RIMS2: variants seen among roughly 807,000 people sequenced by gnomAD.
The protein encoded by RIMS2 is regulating synaptic membrane exocytosis 2.
RIMS2 carries 59 observed loss-of-function variants against 174.4 expected under a neutral mutation model. That is an observed-to-expected ratio of 0.34 (90% CI 0.27 to 0.42). RIMS2 has a LOEUF of 0.42. Among genes scored for constraint, RIMS2 ranks in the 10% least tolerant of loss-of-function variants. RIMS2 has a pLI of 1.00. For synonymous variants in RIMS2, 606 were observed against 572.5 expected, an observed-to-expected ratio of 1.06 and a Z score of -0.84; for missense variants, 1,620 against 1,666.3, an observed-to-expected ratio of 0.97 and a Z score of 0.48.
At chr8:103,954,437 G>T (rs887037971) in intron 14 of RIMS2, among the ~76,000 whole-genome samples, 3 of 152,186 alleles carry the variant, frequency 2.0e-5, no homozygotes, top group African/African-American at 7.2e-5. Context: ...TAGAATTCAG[G>T]ATTAAGAAAC....
chr8:103,642,202 A>G (rs1156333554), intron 1 of RIMS2, among the ~76,000 whole-genome samples: 1 of 152,054 alleles, frequency 6.6e-6, no homozygotes, highest in Admixed American at 6.6e-5. Flanking sequence ...CTCTTAGCAT[A>G]TCAATTGTAC....
chr8:103,780,691 T>G (rs1362244142), intron 3 of RIMS2, among the ~76,000 whole-genome samples: 1 of 152,168 alleles, frequency 6.6e-6, no homozygotes, highest in Non-Finnish European at 1.5e-5. Context: ...CTGCTATTTT[T>G]TTATGTGAGA....
chr8:104,237,067 A>G (rs1332806327), intron 19 of RIMS2, among the ~76,000 whole-genome samples: 4 of 152,144 alleles, frequency 2.6e-5, no homozygotes, highest in Non-Finnish European at 5.9e-5. Context: ...TGTGTTTTAA[A>G]TGGGAATCTG....
At chr8:103,592,988 T>C (rs972668373) in intron 1 of RIMS2, among the ~76,000 whole-genome samples, 1 of 151,412 alleles carries the variant, frequency 6.6e-6, no homozygotes, top group Non-Finnish European at 1.5e-5. Context: ...GTAGTTGCTT[T>C]TTTTCATGGG....
intron 19 of RIMS2, among the ~76,000 whole-genome samples, chr8:104,138,016 C>T (rs1221041812): frequency 2.6e-5 from 4 of 152,134 alleles, no homozygotes; most frequent in South Asian, 4.1e-4. Context: ...TAATTTTTAG[C>T]TCCTGCAAAT....
intron 15 of RIMS2, among the ~76,000 whole-genome samples, chr8:103,969,963 A>T (rs544405455): frequency 7.3e-4 from 111 of 152,126 alleles, no homozygotes; most frequent in South Asian, 1.7e-3. Flanking sequence ...TTTCCCAGAC[A>T]GGTCTTCAAC....
At chr8:104,101,190 A>G (rs2097891372) in intron 19 of RIMS2, among the ~76,000 whole-genome samples, 1 of 150,388 alleles carries the variant, frequency 6.6e-6, no homozygotes, top group Non-Finnish European at 1.5e-5. Context: ...GCAGTGGCAC[A>G]ATCTCGGCTC....
intron 16 of RIMS2, among the ~76,000 whole-genome samples, chr8:103,987,543 CTTTAGAGAAAT>C (rs1240868222): frequency 1.3e-5 from 2 of 152,084 alleles, no homozygotes; most frequent in Non-Finnish European, 2.9e-5. Flanking sequence ...AATGGAAAAA[CTTTAGAGAAAT>C]TTACATTAAT....
In RIMS2 at chr8:103,748,960, C is replaced by T. The variant is rs371119829; in HGVS notation, c.388-17267C>T. On this transcript the variant is annotated intron_variant, in intron 2 of 23. Coordinates refer to ENST00000504942, the Ensembl canonical transcript of RIMS2. Reference sequence around the variant, plus strand: ...GGATTACAGGCATGCACTACGAAGCCCAGCTAATTTTGTATTTTTAGTAGA... The same window carrying T: ...GGATTACAGGCATGCACTACGAAGCTCAGCTAATTTTGTATTTTTAGTAGA... Among the ~76,000 whole-genome samples, 18 of 151,830 alleles carry T rather than the reference C, an allele frequency of 1.2e-4. 1 individual carries two copies. The highest frequency in any genetic ancestry group is 4.1e-4 in the African/African-American group (17 of 41,274).
At chr8:103,613,426 T>A (rs796372427) in intron 1 of RIMS2, among the ~76,000 whole-genome samples, 1 of 152,210 alleles carries the variant, frequency 6.6e-6, no homozygotes, top group African/African-American at 2.4e-5. Context: ...AATGCTTCCA[T>A]GTGTGAGACT....
chr8:104,072,323 A>G (rs1034161904), intron 19 of RIMS2, among the ~76,000 whole-genome samples: 2 of 152,142 alleles, frequency 1.3e-5, no homozygotes, highest in African/African-American at 4.8e-5. Flanking sequence ...GCTTATATTT[A>G]CATTCTTTAC....
chr8:104,212,690 G>T (rs182369190), intron 19 of RIMS2, among the ~76,000 whole-genome samples: 6 of 152,276 alleles, frequency 3.9e-5, no homozygotes, highest in African/African-American at 1.4e-4. Context: ...CTGTTCCTCT[G>T]ATATTTGTGT....
chr8:104,157,113 A>T (rs1227242047), intron 19 of RIMS2, among the ~76,000 whole-genome samples: 1 of 152,156 alleles, frequency 6.6e-6, no homozygotes, highest in Non-Finnish European at 1.5e-5. Flanking sequence ...ATTATCCTTC[A>T]TTATTTAAAA....
rs549907170 is a variant in RIMS2 at position 104,003,191 on chromosome 8, A to G, written c.3045-10251A>G. On this transcript the variant is annotated intron_variant, in intron 17 of 23. Coordinates refer to ENST00000504942, the Ensembl canonical transcript of RIMS2. ...GGGCAGCTAGATTTTTATGTAAAGT[A>G]TCATGGAAGACACAACAACTCAGCT... 4.6e-5 allele frequency among the ~76,000 whole-genome samples: 7 copies of G among 152,310 alleles called. No individual in the cohort carries two copies. The South Asian group carries it at 1.4e-3, about 32-fold the overall frequency.
chr8:104,213,102 A>G (rs1468957192), intron 19 of RIMS2, among the ~76,000 whole-genome samples: 1 of 152,140 alleles, frequency 6.6e-6, no homozygotes. Flanking sequence ...ACCTGAGGTC[A>G]GGAGTTTGAG....
Position 103,918,512 on chromosome 8 carries a change from A to C in RIMS2, c.2083+25A>C, listed in dbSNP as rs1324393721. ...AGTAAGTTTTATTTATGCTGGAAGA[A>C]AACGTTATTTATAATTGCATTCATC... On this transcript the variant is annotated intron_variant, in intron 9 of 23. Coordinates refer to ENST00000504942, the Ensembl canonical transcript of RIMS2. The C allele has an allele frequency of 4.5e-6, 7 of 1,544,110 alleles. No individual in the cohort carries two copies. The Admixed American group carries it at 1.2e-4, about 26-fold the overall frequency.
At chr8:104,079,534 A>G (rs1249798930) in intron 19 of RIMS2, among the ~76,000 whole-genome samples, 1 of 147,694 alleles carries the variant, frequency 6.8e-6, no homozygotes, top group African/African-American at 2.5e-5. Flanking sequence ...GGAAGAAAAT[A>G]TGATCAAATA....
intron 19 of RIMS2, among the ~76,000 whole-genome samples, chr8:104,167,471 A>T (rs931564365): frequency 6.6e-6 from 1 of 151,986 alleles, no homozygotes; most frequent in Non-Finnish European, 1.5e-5. Flanking sequence ...CTATTTGTAT[A>T]TCCTTTTTTG....
At chr8:103,707,323 A>T (rs1442269788) in intron 2 of RIMS2, among the ~76,000 whole-genome samples, 1 of 152,132 alleles carries the variant, frequency 6.6e-6, no homozygotes, top group Non-Finnish European at 1.5e-5. Context: ...AATGTTCTTG[A>T]TGCTTGTGTA....
Sources: gnomAD v4.1 joint callset for allele counts (sites outside exome capture counted in the v4.1 genomes callset) on GRCh38, gnomAD v4.1.1 for gene constraint, MANE v1.5 for transcripts, NCBI Gene and HGNC (gene_info 2026-07-23, HGNC 2026-07-21) for gene names.